The following OXR1 variants were observed in gnomAD, a reference collection of about 807,000 sequenced individuals.
OXR1 encodes oxidation resistance protein 1.
A neutral mutation model predicts 104.6 loss-of-function variants in OXR1; 41 were observed. That is an observed-to-expected ratio of 0.39 (90% CI 0.31 to 0.51). The LOEUF is 0.51. Among genes scored for constraint, OXR1 ranks in the 20% least tolerant of loss-of-function variants. OXR1 has a pLI of 0.77. For synonymous variants in OXR1, 348 were observed against 348.4 expected, an observed-to-expected ratio of 1.00 and a Z score of 0.01; for missense variants, 955 against 1,031.9, an observed-to-expected ratio of 0.93 and a Z score of 1.02.
At chr8:106,669,605 G>C (rs2131145174) in intron 3 of OXR1, among the ~76,000 whole-genome samples, 1 of 151,878 alleles carries the variant, frequency 6.6e-6, no homozygotes, top group Non-Finnish European at 1.5e-5. Flanking sequence ...TGAAGTTTTA[G>C]TATCTATATT....
chr8:106,511,832 C>A (rs1331159948), intron 2 of OXR1, among the ~76,000 whole-genome samples: 1 of 152,130 alleles, frequency 6.6e-6, no homozygotes, highest in African/African-American at 2.4e-5. Flanking sequence ...GCCTTTGGTT[C>A]AAAATGCCCT....
chr8:106,396,999 A>G (rs990757299), intron 2 of OXR1, among the ~76,000 whole-genome samples: 1 of 152,136 alleles, frequency 6.6e-6, no homozygotes, highest in Non-Finnish European at 1.5e-5. Context: ...ACCCCCAGCA[A>G]TTTGCAGACC....
chr8:106,646,595 A>G (rs1321914288), intron 3 of OXR1, among the ~76,000 whole-genome samples: 2 of 152,102 alleles, frequency 1.3e-5, no homozygotes, highest in Non-Finnish European at 2.9e-5. Flanking sequence ...GAGAAGGTAC[A>G]GCAATATGTG....
chr8:106,526,564 A>T (rs1359898076), intron 3 of OXR1, among the ~76,000 whole-genome samples: 1 of 152,220 alleles, frequency 6.6e-6, no homozygotes, highest in Non-Finnish European at 1.5e-5. Context: ...GTTTTTTGAG[A>T]CGGAGTCTCG....
At chr8:106,490,337 G>A (rs1383116212) in intron 2 of OXR1, among the ~76,000 whole-genome samples, 1 of 150,984 alleles carries the variant, frequency 6.6e-6, no homozygotes, top group Non-Finnish European at 1.5e-5. Flanking sequence ...GTAGGAGGAT[G>A]CGGTATTTGA....
At chr8:106,501,825 C>G (rs1811828287) in intron 2 of OXR1, among the ~76,000 whole-genome samples, 1 of 152,296 alleles carries the variant, frequency 6.6e-6, no homozygotes, top group African/African-American at 2.4e-5. Flanking sequence ...TGGTTTTGAT[C>G]AAATCATGTA....
intron 6 of OXR1, among the ~76,000 whole-genome samples, chr8:106,687,683 C>T (rs940206642): frequency 6.0e-5 from 9 of 149,464 alleles, no homozygotes; most frequent in African/African-American, 2.2e-4. Context: ...CACTGCCCTT[C>T]AGCCTGGGTT....
At chr8:106,347,416 C>T (rs1815541793) in intron 1 of OXR1, among the ~76,000 whole-genome samples, 1 of 152,194 alleles carries the variant, frequency 6.6e-6, no homozygotes, top group South Asian at 2.1e-4. Flanking sequence ...TAGTTTTCTA[C>T]TATCTATTGT....
chr8:106,509,928 C>T (rs1383501295), intron 2 of OXR1, among the ~76,000 whole-genome samples: 4 of 152,066 alleles, frequency 2.6e-5, no homozygotes, highest in Admixed American at 1.3e-4. Flanking sequence ...CACACCACCA[C>T]GCCCCGCTAA....
At chr8:106,617,700 G>T (rs957601973) in intron 3 of OXR1, among the ~76,000 whole-genome samples, 2 of 152,244 alleles carry the variant, frequency 1.3e-5, no homozygotes, top group East Asian at 3.9e-4. Flanking sequence ...ACACCAGCCT[G>T]GTTCATACTC....
chr8:106,375,211 T>C (rs1472157598), intron 2 of OXR1, among the ~76,000 whole-genome samples: 1 of 152,224 alleles, frequency 6.6e-6, no homozygotes, highest in East Asian at 1.9e-4. Flanking sequence ...AGTAGTGTTT[T>C]TATGGAAAAC....
At chr8:106,316,725 T>TATCTATCTATCTATCTATC (rs1563713984) in intron 1 of OXR1, among the ~76,000 whole-genome samples, 10 of 65,498 alleles carry the variant, frequency 1.5e-4, no homozygotes, top group South Asian at 4.5e-4. Flanking sequence ...ATCATCTATC[T>TATCTATCTATCTATCTATC]ATCTATCTAT....
chr8:106,728,459 G>A (rs1016140597), intron 11 of OXR1, among the ~76,000 whole-genome samples: 1 of 152,000 alleles, frequency 6.6e-6, no homozygotes, highest in Non-Finnish European at 1.5e-5. Context: ...CAGTAACCCT[G>A]TGTGTTAACC....
chr8:106,620,317 T>G (rs772100326), intron 3 of OXR1, among the ~76,000 whole-genome samples: 9 of 152,196 alleles, frequency 5.9e-5, no homozygotes, highest in Admixed American at 1.3e-4. Flanking sequence ...ATTGACAGTT[T>G]TTTTTTCAAT....
intron 2 of OXR1, among the ~76,000 whole-genome samples, chr8:106,386,710 C>T (rs1018728964): frequency 1.6e-4 from 25 of 152,058 alleles, no homozygotes; most frequent in Non-Finnish European, 1.9e-4. Flanking sequence ...GGGAAGCCTC[C>T]CTGGAAGGGA....
chr8:106,707,981 G>A (rs1563732239), intron 9 of OXR1, among the ~76,000 whole-genome samples: 1 of 151,986 alleles, frequency 6.6e-6, no homozygotes, highest in East Asian at 1.9e-4. Flanking sequence ...ATTATTTGAA[G>A]CATTTTTATA....
intron 1 of OXR1, among the ~76,000 whole-genome samples, chr8:106,297,283 A>G (rs956892408): frequency 1.9e-4 from 29 of 151,964 alleles, no homozygotes; most frequent in African/African-American, 7.0e-4. Flanking sequence ...TATATCAGAT[A>G]TATTATTTTT....
At chr8:106,477,501 G>T (rs1821871605) in intron 2 of OXR1, among the ~76,000 whole-genome samples, 1 of 151,922 alleles carries the variant, frequency 6.6e-6, no homozygotes, top group Non-Finnish European at 1.5e-5. Flanking sequence ...TCTGTGTAGG[G>T]TCTTCAAGTG....
chr8:106,644,343 T>C (rs1373729315), intron 3 of OXR1, among the ~76,000 whole-genome samples: 1 of 152,238 alleles, frequency 6.6e-6, no homozygotes, highest in Non-Finnish European at 1.5e-5. Context: ...TTTAGCATAT[T>C]AATATATCAT....
Sources: allele counts gnomAD v4.1 joint callset (sites outside exome capture counted in the v4.1 genomes callset), GRCh38; gene constraint gnomAD v4.1.1; transcripts MANE v1.5; gene names NCBI Gene and HGNC (gene_info 2026-07-23, HGNC 2026-07-21).